Variants in CCDC148 observed in about 807,000 individuals in gnomAD.
CCDC148 encodes the protein coiled-coil domain-containing protein 148.
In CCDC148, 89 loss-of-function variants were observed where a neutral mutation model predicts 85.7. The observed-to-expected ratio is 1.04, with a 90% CI of 0.87 to 1.24. The LOEUF (loss-of-function observed/expected upper bound fraction) is 1.24, where lower values mean the gene tolerates loss of function less well. CCDC148 is among the 50% of genes most tolerant of loss of function. CCDC148 has a pLI of 0.00. For missense variants in CCDC148, 692 were observed against 671.7 expected, an observed-to-expected ratio of 1.03 and a Z score of -0.33; for synonymous variants, 230 against 213.9, an observed-to-expected ratio of 1.08 and a Z score of -0.66.
At chr2:158,283,939 T>G (rs1344147811) in intron 9 of CCDC148, among the ~76,000 whole-genome samples, 2 of 151,492 alleles carry the variant, frequency 1.3e-5, no homozygotes, top group African/African-American at 4.9e-5. Flanking sequence ...TGGAATACTA[T>G]GCAGCCATAA....
intron 9 of CCDC148, among the ~76,000 whole-genome samples, chr2:158,304,943 C>T (rs532622477): frequency 3.9e-5 from 6 of 152,222 alleles, no homozygotes; most frequent in South Asian, 4.1e-4. Context: ...TTAATGACTT[C>T]GCAGAGCATG....
chr2:158,403,404 C>T (rs1044159146), intron 1 of CCDC148, among the ~76,000 whole-genome samples: 2 of 151,942 alleles, frequency 1.3e-5, no homozygotes, highest in African/African-American at 4.8e-5. Flanking sequence ...GACACCTTCT[C>T]CAGAAGGCAC....
At chr2:158,409,451 A>G (rs150845635) in intron 1 of CCDC148, among the ~76,000 whole-genome samples, 3 of 152,342 alleles carry the variant, frequency 2.0e-5, no homozygotes, top group African/African-American at 7.2e-5. Context: ...TAGAGCTTTA[A>G]GATTTGACTG....
intron 8 of CCDC148, 60 bp downstream of exon 8, chr2:158,313,696 A>G (rs1692146501): frequency 1.3e-6 from 2 of 1,500,846 alleles, no homozygotes. Context: ...ACATTGCTTA[A>G]TAATTATTGA....
At chr2:158,449,412 C>T (rs376524920) in intron 1 of CCDC148, among the ~76,000 whole-genome samples, 38 of 151,544 alleles carry the variant, frequency 2.5e-4, no homozygotes, top group South Asian at 2.1e-3. Context: ...TTCTCCCATC[C>T]AAGTACTAAT....
intron 9 of CCDC148, among the ~76,000 whole-genome samples, chr2:158,296,705 T>C (rs760888442): frequency 6.6e-6 from 1 of 152,222 alleles, no homozygotes; most frequent in Admixed American, 6.5e-5. Flanking sequence ...CAGCCTCTTT[T>C]AAACTTTGTA....
At chr2:158,179,416 C>T (rs1169343550) in intron 11 of CCDC148, among the ~76,000 whole-genome samples, 1 of 151,984 alleles carries the variant, frequency 6.6e-6, no homozygotes, top group Admixed American at 6.6e-5. Flanking sequence ...CTTGGCCACC[C>T]AAAGTGCTGA....
chr2:158,222,062 G>A (rs1687212822), intron 10 of CCDC148, among the ~76,000 whole-genome samples: 1 of 152,020 alleles, frequency 6.6e-6, no homozygotes, highest in Non-Finnish European at 1.5e-5. Flanking sequence ...ATTCTTTTCT[G>A]CATTACCTTA....
intron 7 of CCDC148, among the ~76,000 whole-genome samples, chr2:158,336,150 C>A (rs1210301459): frequency 6.6e-6 from 1 of 152,088 alleles, no homozygotes; most frequent in Non-Finnish European, 1.5e-5. Flanking sequence ...AAGGCCATAT[C>A]AAAGTAGTGA....
rs111983525 is a variant in CCDC148, at chr2:158,305,485, C to A, written c.1110+3948G>T. 3.7e-3 allele frequency among the ~76,000 whole-genome samples: 560 copies of A among 152,204 alleles called. 6 individuals carry two copies. Among genetic ancestry groups the A allele is most frequent in the Non-Finnish European group, 5.9e-3 (398 of 67,996 alleles). On this transcript the variant is annotated intron_variant, in intron 9 of 13. Coordinates refer to ENST00000283233, the MANE Select transcript of CCDC148 (RefSeq NM_138803.4). ...GTGGCAAGCCAGGCACAGTGGCTCA[C>A]CTGCAATCTCCGTGCTTTGGGAAGC...
chr2:158,278,351 T>A (rs1017184987), intron 9 of CCDC148, among the ~76,000 whole-genome samples: 1 of 152,050 alleles, frequency 6.6e-6, no homozygotes, highest in Non-Finnish European at 1.5e-5. Flanking sequence ...GCGAAAGGGA[T>A]CAGAGAGTGC....
chr2:158,441,495 A>G (rs72927514), intron 1 of CCDC148, among the ~76,000 whole-genome samples: 25,285 of 152,124 alleles, frequency 0.17, 2,240 homozygotes, highest in Middle Eastern at 0.2. Context: ...CATACAGAAA[A>G]GTCTAATGAT....
intron 10 of CCDC148, among the ~76,000 whole-genome samples, chr2:158,221,878 C>T (rs571884346): frequency 1.8e-4 from 28 of 151,732 alleles, no homozygotes; most frequent in Admixed American, 1.1e-3. Context: ...GCAGCAGCAC[C>T]CAAGATGGAG....
At position 158,439,175 on chromosome 2, in the gene CCDC148, G is replaced by A. The variant is rs186558986; in HGVS notation, c.25+17240C>T. On this transcript the variant is annotated intron_variant, in intron 1 of 13. Coordinates refer to ENST00000283233, the MANE Select transcript of CCDC148 (RefSeq NM_138803.4). ...CATGCTGCTATAAAGACACATGCAC[G>A]TGTATGTTTATTGTGGCACTATTCA... Among the ~76,000 whole-genome samples the A allele has an allele frequency of 3.2e-4, 48 of 152,236 alleles. No homozygotes were observed. In the South Asian group the frequency reaches 4.1e-3, roughly 13 times the overall value.
At chr2:158,363,095 C>T (rs1159524328) in intron 1 of CCDC148, among the ~76,000 whole-genome samples, 1 of 152,178 alleles carries the variant, frequency 6.6e-6, no homozygotes, top group Non-Finnish European at 1.5e-5. Flanking sequence ...TGGACACATA[C>T]ACCCTCCTAA....
At chr2:158,317,798 A>C (rs1473643588) in intron 7 of CCDC148, among the ~76,000 whole-genome samples, 1 of 152,216 alleles carries the variant, frequency 6.6e-6, no homozygotes, top group Non-Finnish European at 1.5e-5. Context: ...ACTGGCTGAA[A>C]GCTGTTTTAT....
chr2:158,267,620 A>G (rs928745131), intron 9 of CCDC148, among the ~76,000 whole-genome samples: 1 of 152,218 alleles, frequency 6.6e-6, no homozygotes, highest in African/African-American at 2.4e-5. Context: ...TCATTTTAAC[A>G]ATAGAAAAAC....
chr2:158,184,204 GAACA>G (rs142041693), intron 11 of CCDC148, among the ~76,000 whole-genome samples: 2,518 of 152,158 alleles, frequency 0.017, 71 homozygotes, highest in African/African-American at 0.054. Flanking sequence ...CATGAGGCAA[GAACA>G]AAGAAAACTC....
At chr2:158,222,731 A>G (rs1687254494) in intron 10 of CCDC148, among the ~76,000 whole-genome samples, 1 of 152,050 alleles carries the variant, frequency 6.6e-6, no homozygotes. Context: ...TCTCCCTTTG[A>G]TGTTAACACC....
Sources: gnomAD v4.1 joint callset for allele counts (sites outside exome capture counted in the v4.1 genomes callset) on GRCh38, gnomAD v4.1.1 for gene constraint, MANE v1.5 for transcripts, NCBI Gene and HGNC (gene_info 2026-07-23, HGNC 2026-07-21) for gene names.